The following DLGAP1 variants were observed in gnomAD, a reference collection of about 807,000 sequenced individuals.
DLGAP1 encodes DLG associated protein 1.
In DLGAP1, 11 loss-of-function variants were observed where a neutral mutation model predicts 90.8. That is an observed-to-expected ratio of 0.12 (90% confidence interval 0.08 to 0.20). The LOEUF is 0.20. Ranked by LOEUF, DLGAP1 falls within the 10% of genes least tolerant of loss-of-function variation. DLGAP1 has a pLI of 1.00. For missense variants in DLGAP1, 1,050 were observed against 1,333.8 expected (o/e 0.79, Z 3.31); for synonymous variants, 558 against 540.7 (o/e 1.03, Z -0.44).
At chr18:3,967,861 A>C (rs576183938) in intron 3 of DLGAP1, among the ~76,000 whole-genome samples, 6 of 152,240 alleles carry the variant, frequency 3.9e-5, no homozygotes, top group East Asian at 1.9e-4. Context: ...ATTGATCCCC[A>C]CACACACATA....
At chr18:4,303,160 G>A (rs2080166756) in intron 1 of DLGAP1, among the ~76,000 whole-genome samples, 1 of 152,196 alleles carries the variant, frequency 6.6e-6, no homozygotes, top group African/African-American at 2.4e-5. Context: ...GTGAATGCAT[G>A]AACGAAATCA....
chr18:3,959,694 A>C (rs2073159692), intron 3 of DLGAP1, among the ~76,000 whole-genome samples: 1 of 151,852 alleles, frequency 6.6e-6, no homozygotes, highest in Non-Finnish European at 1.5e-5. Context: ...AGAAAGAAAG[A>C]AGCACAATGG....
At chr18:3,762,965 A>T in intron 5 of DLGAP1, among the ~76,000 whole-genome samples, 1 of 152,114 alleles carries the variant, frequency 6.6e-6, no homozygotes, top group Admixed American at 6.5e-5. Context: ...TCTGTAGGAA[A>T]TCCTGCTAGG....
intron 1 of DLGAP1, among the ~76,000 whole-genome samples, chr18:4,365,189 G>C (rs1214870258): frequency 6.6e-6 from 1 of 152,088 alleles, no homozygotes; most frequent in East Asian, 1.9e-4. Context: ...AATCTTGTAG[G>C]ATGTAGGTAA....
intron 5 of DLGAP1, among the ~76,000 whole-genome samples, chr18:3,779,960 T>G (rs2065116651): frequency 1.3e-5 from 2 of 152,002 alleles, no homozygotes; most frequent in South Asian, 4.1e-4. Flanking sequence ...AATTTTTGTA[T>G]TTTTTAGTAG....
intron 1 of DLGAP1, among the ~76,000 whole-genome samples, chr18:4,407,671 G>T (rs186939393): frequency 2.6e-5 from 4 of 152,130 alleles, no homozygotes; most frequent in Non-Finnish European, 5.9e-5. Context: ...TTCAGGTCAG[G>T]AGTTCAAGAC....
chr18:3,516,357 T>G (rs1046753204), intron 10 of DLGAP1, among the ~76,000 whole-genome samples: 1 of 152,172 alleles, frequency 6.6e-6, no homozygotes, highest in Non-Finnish European at 1.5e-5. Flanking sequence ...ATCCATCCCC[T>G]CAAGCAATCC....
At chr18:4,203,230 G>A (rs1008255472) in intron 1 of DLGAP1, among the ~76,000 whole-genome samples, 2 of 148,754 alleles carry the variant, frequency 1.3e-5, no homozygotes, top group Non-Finnish European at 3.0e-5. Flanking sequence ...AGATGAGATC[G>A]CGCCACTGCA....
At chr18:4,453,985 G>A (rs926359768) in intron 1 of DLGAP1, among the ~76,000 whole-genome samples, 2 of 152,132 alleles carry the variant, frequency 1.3e-5, no homozygotes, top group South Asian at 2.1e-4. Flanking sequence ...CGCTACGGTC[G>A]GGCTGGAGGC....
chr18:3,919,590 C>T (rs934705916), intron 3 of DLGAP1, among the ~76,000 whole-genome samples: 4 of 152,142 alleles, frequency 2.6e-5, no homozygotes, highest in African/African-American at 9.7e-5. Context: ...TTGAGTCATG[C>T]TATAAACAGG....
intron 2 of DLGAP1, among the ~76,000 whole-genome samples, chr18:4,140,668 C>T (rs1056532699): frequency 6.6e-6 from 1 of 151,950 alleles, no homozygotes. Flanking sequence ...TGTTGCTCAT[C>T]AAAGTCCTTT....
intron 1 of DLGAP1, among the ~76,000 whole-genome samples, chr18:4,347,452 A>C (rs1357173585): frequency 6.6e-6 from 1 of 152,074 alleles, no homozygotes; most frequent in Non-Finnish European, 1.5e-5. Flanking sequence ...GTACTAAAAT[A>C]AATGTTGGCA....
chr18:3,588,790 A>T (rs1261131825), intron 7 of DLGAP1, among the ~76,000 whole-genome samples: 1 of 151,530 alleles, frequency 6.6e-6, no homozygotes, highest in Non-Finnish European at 1.5e-5. Context: ...AAAAAAAAAA[A>T]AAAGAAAAAA....
At chr18:3,802,726 A>G (rs2066368835) in intron 5 of DLGAP1, among the ~76,000 whole-genome samples, 1 of 152,180 alleles carries the variant, frequency 6.6e-6, no homozygotes, top group African/African-American at 2.4e-5. Context: ...TGAATCGTAT[A>G]TGTGCAGTGG....
At chr18:3,919,286 T>A (rs1189257760) in intron 3 of DLGAP1, among the ~76,000 whole-genome samples, 1 of 152,208 alleles carries the variant, frequency 6.6e-6, no homozygotes, top group Non-Finnish European at 1.5e-5. Flanking sequence ...GCAAGGGAAC[T>A]TGATACCATC....
At chr18:4,190,817 A>C (rs2077385265) in intron 1 of DLGAP1, among the ~76,000 whole-genome samples, 1 of 152,030 alleles carries the variant, frequency 6.6e-6, no homozygotes. Context: ...ATAAGTTCCA[A>C]GGACTATAAT....
chr18:3,666,516 C>G (rs1480030709), intron 7 of DLGAP1, among the ~76,000 whole-genome samples: 1 of 152,144 alleles, frequency 6.6e-6, no homozygotes, highest in Admixed American at 6.6e-5. Flanking sequence ...CCTACCAATC[C>G]GAGGAAGGAT....
At chr18:4,040,728 G>C (rs1228745667) in intron 2 of DLGAP1, among the ~76,000 whole-genome samples, 1 of 152,200 alleles carries the variant, frequency 6.6e-6, no homozygotes, top group Non-Finnish European at 1.5e-5. Flanking sequence ...CAATGTCTTG[G>C]AAGCTGACAT....
intron 1 of DLGAP1, among the ~76,000 whole-genome samples, chr18:4,403,203 T>G (rs550297692): frequency 1.3e-5 from 2 of 152,342 alleles, no homozygotes; most frequent in African/African-American, 4.8e-5. Context: ...TGTGAGTGGT[T>G]GCTCATTAAT....
Sources: allele counts gnomAD v4.1 joint callset (sites outside exome capture counted in the v4.1 genomes callset), GRCh38; gene constraint gnomAD v4.1.1; transcripts MANE v1.5; gene names NCBI Gene and HGNC (gene_info 2026-07-23, HGNC 2026-07-21).